The following DGKD variants were observed in gnomAD, a reference collection of about 807,000 sequenced individuals.
DGKD encodes DAG kinase delta.
A neutral mutation model predicts 154.4 loss-of-function variants in DGKD; 68 were observed. That is an observed-to-expected ratio of 0.44 (90% CI 0.36 to 0.54). DGKD has a LOEUF of 0.54. Ranked by LOEUF, DGKD falls within the 20% of genes least tolerant of loss-of-function variation. The probability of loss-of-function intolerance (pLI) is 0.00; values close to 1 mark genes in which losing one functional copy is unlikely to be tolerated. For missense variants in DGKD, 1,343 were observed against 1,593.6 expected, an observed-to-expected ratio of 0.84 and a Z score of 2.68; for synonymous variants, 693 against 638.0, an observed-to-expected ratio of 1.09 and a Z score of -1.30.
In DGKD at chr2:233,460,360, C is replaced by G. The variant is rs749792611; in HGVS notation, c.2981+15C>G. The stretch of plus-strand genomic sequence containing the variant: ...CTCATTCACAGGTGGGCTCCTACCC[C>G]TCTGCGTTGCGCATGAGCCTCCCCC... On this transcript the variant is annotated intron_variant, in intron 24 of 29. Coordinates refer to ENST00000264057, the MANE Select transcript of DGKD (RefSeq NM_152879.3). The G allele has an allele frequency of 6.2e-7, 1 of 1,613,278 alleles. No homozygotes were observed. Among genetic ancestry groups the G allele is most frequent in the East Asian group, 2.2e-5 (1 of 44,852 alleles).
At chr2:233,425,453 C>T (rs889866164) in intron 3 of DGKD, among the ~76,000 whole-genome samples, 3 of 152,192 alleles carry the variant, frequency 2.0e-5, no homozygotes, top group African/African-American at 7.2e-5. Flanking sequence ...TCCCAAAGTG[C>T]TGGGATTACA....
chr2:233,464,060 T>TCAGAG (rs1465877762), intron 26 of DGKD, 104 bp from the exon 27 acceptor site: 14 of 1,488,958 alleles, frequency 9.4e-6, no homozygotes, highest in South Asian at 8.9e-5. Context: ...AGCTCCCTGA[T>TCAGAG]CAGAGCAGAG....
intron 1 of DGKD, among the ~76,000 whole-genome samples, chr2:233,382,883 CT>C (rs1702971891): frequency 6.6e-6 from 1 of 152,182 alleles, no homozygotes; most frequent in Non-Finnish European, 1.5e-5. Context: ...TGCCAGGGTG[CT>C]CTTCTGTGGC....
chr2:233,449,660 G>A lies in DGKD; in HGVS notation c.1888+284G>A, dbSNP rs949706394. On this transcript the variant is annotated intron_variant, in intron 15 of 29. Transcript: ENST00000264057. The surrounding 1 kb of genome is among the most constrained non-coding windows in gnomAD (Gnocchi z 5.3). The stretch of plus-strand genomic sequence containing the variant: ...ACTCCCGTGAGAGCCTTGAGGTCAC[G>A]GCCTCACACCCGCACACCTGCGTGT... 2.0e-5 allele frequency among the ~76,000 whole-genome samples: 3 copies of A among 152,212 alleles called. No homozygotes were observed. Among genetic ancestry groups the A allele is most frequent in the South Asian group, 2.1e-4 (1 of 4,818 alleles).
At chr2:233,355,159 G>C (rs936659969) in intron 1 of DGKD, among the ~76,000 whole-genome samples, 2 of 152,064 alleles carry the variant, frequency 1.3e-5, no homozygotes, top group Admixed American at 6.5e-5. Flanking sequence ...GCCCTCAGAA[G>C]TCCGCTCGGA....
intron 3 of DGKD, among the ~76,000 whole-genome samples, chr2:233,403,421 G>A (rs1241909434): frequency 6.6e-6 from 1 of 151,802 alleles, no homozygotes; most frequent in Non-Finnish European, 1.5e-5. Context: ...TTAGCTGGAT[G>A]TGGTGGTGGG....
chr2:233,460,127 A>T, intron 23 of DGKD, 67 bp from the exon 24 acceptor site: 1 of 1,581,394 alleles, frequency 6.3e-7, no homozygotes, highest in Non-Finnish European at 8.6e-7. Flanking sequence ...TGGCATCCCC[A>T]TAGTGTCTGT....
chr2:233,467,652 C>G (rs185411597), intron 28 of DGKD, among the ~76,000 whole-genome samples: 2 of 152,290 alleles, frequency 1.3e-5, no homozygotes, highest in East Asian at 3.9e-4. Context: ...TGAAATCAAT[C>G]GAATATGGTC....
rs2063947332 is a variant in DGKD, at chr2:233,469,663, TAAC to T, written c.*208_*210del. 1.7e-6 allele frequency: 1 copy of T among 578,710 alleles called. No individual in the cohort carries two copies. The highest frequency in any genetic ancestry group is 3.0e-5 in the Admixed American group (1 of 32,928). The allele number at this position is 578,710 out of a possible 1,614,324, so 35.8% of individuals were successfully genotyped here. A position where few individuals can be genotyped will look rare whatever the true frequency, so the allele number is the denominator to read the frequency against. Reference sequence around the variant, plus strand: ...CACCAGAGCTCTGGGGTCTCGAACATAACAACACAGCTACCTTTGAAACAACAC... The same window carrying T: ...CACCAGAGCTCTGGGGTCTCGAACATAACACAGCTACCTTTGAAACAACAC... On this transcript the variant is annotated 3_prime_UTR_variant, in exon 30 of 30. Transcript: ENST00000264057.
intron 3 of DGKD, among the ~76,000 whole-genome samples, chr2:233,394,690 C>CTTTTTTTTTTTTTTTTTTTTTTTTTTTT (rs1703879704): frequency 3.6e-5 from 3 of 83,250 alleles, no homozygotes; most frequent in African/African-American, 8.8e-5. Context: ...AATTTAATTC[C>CTTTTTTTTTTTTTTTTTTTTTTTTTTTT]CTTTTTTTTT....
chr2:233,414,149 A>C (rs1269997617), intron 3 of DGKD, among the ~76,000 whole-genome samples: 2 of 152,156 alleles, frequency 1.3e-5, no homozygotes, highest in African/African-American at 4.8e-5. Flanking sequence ...GAGCAAACAC[A>C]TGAATCAGCC....
Position 233,458,339 on chromosome 2 carries a change from G to A in DGKD, c.2636G>A (p.Gly879Asp). The A allele has an allele frequency of 6.2e-7, 1 of 1,612,286 alleles. No homozygotes were observed. The change falls in exon 22 of 30, where the codon GGC (glycine) becomes GAC (aspartate). Residue 879 changes from glycine to aspartate, a missense_variant. Coordinates refer to ENST00000264057, the MANE Select transcript of DGKD (RefSeq NM_152879.3). The surrounding 1 kb of genome is among the most constrained non-coding windows in gnomAD (Gnocchi z 6.6). ...DKILEVVAVFGSMQMAVSRVI... is the reference protein window; with the variant it reads ...DKILEVVAVFDSMQMAVSRVI... ...ATTCTGGAGGTGGTCGCCGTGTTCG[G>A]CAGCATGCAGATGGCCGTCTCTCGA...
chr2:233,414,928 G>GT (rs1352434867), intron 3 of DGKD, among the ~76,000 whole-genome samples: 2 of 152,144 alleles, frequency 1.3e-5, no homozygotes, highest in Non-Finnish European at 2.9e-5. Flanking sequence ...GAGGGAGTTG[G>GT]TAAGGGGCTG....
rs1018930400 is a variant in DGKD, at chr2:233,458,889, C to T, written c.2694+492C>T. ...GATTACAGGTGTGAGCCACTGCACC[C>T]GGCCAAGATAACTCTTTCAAAATGT... On this transcript the variant is annotated intron_variant, in intron 22 of 29. Coordinates refer to ENST00000264057, the MANE Select transcript of DGKD (RefSeq NM_152879.3). This position sits in a 1 kb window ranked among gnomAD's most constrained non-coding sequence, Gnocchi z 6.6. Among the ~76,000 whole-genome samples, 4 of 152,140 alleles carry T rather than the reference C, an allele frequency of 2.6e-5. No homozygotes were observed. Among genetic ancestry groups the T allele is most frequent in the African/African-American group, 9.7e-5 (4 of 41,430 alleles).
intron 3 of DGKD, 103 bp downstream of exon 3, chr2:233,390,586 T>G: frequency 1.3e-6 from 1 of 796,840 alleles, no homozygotes; most frequent in Non-Finnish European, 2.0e-6. Flanking sequence ...CATTCTTTTC[T>G]TACTGATTGG....
chr2:233,360,291 G>T (rs929090406), intron 1 of DGKD, among the ~76,000 whole-genome samples: 3 of 151,896 alleles, frequency 2.0e-5, no homozygotes, highest in South Asian at 2.1e-4. Context: ...CTGAGACAGG[G>T]TCTTGCTCGG....
intron 5 of DGKD, among the ~76,000 whole-genome samples, 199 bp from the exon 6 acceptor site, chr2:233,435,619 A>T (rs2062663885): frequency 6.6e-6 from 1 of 152,114 alleles, no homozygotes. Context: ...AAGCTTACTG[A>T]TCCCCAGCTT....
At chr2:233,395,951 A>G (rs971570667) in intron 3 of DGKD, among the ~76,000 whole-genome samples, 3 of 152,182 alleles carry the variant, frequency 2.0e-5, no homozygotes, top group Admixed American at 1.3e-4. Flanking sequence ...ATGCTACTCA[A>G]TGCTTTGTTT....
intron 3 of DGKD, among the ~76,000 whole-genome samples, chr2:233,410,984 CTTTTT>C (rs989105374): frequency 6.8e-6 from 1 of 148,134 alleles, no homozygotes; most frequent in South Asian, 2.1e-4. Flanking sequence ...GCATGTACTA[CTTTTT>C]TTTTTAATGT....
Sources: gnomAD v4.1 joint callset for allele counts (sites outside exome capture counted in the v4.1 genomes callset) on GRCh38, gnomAD v4.1.1 for gene constraint, Gnocchi (gnomAD v3.1) non-coding constraint, MANE v1.5 for transcripts, NCBI Gene and HGNC (gene_info 2026-07-23, HGNC 2026-07-21) for gene names.